GADL1: variants seen among roughly 807,000 people sequenced by gnomAD.
The protein encoded by GADL1 is GAD like acidic amino acid decarboxylase 1.
GADL1 carries 71 observed loss-of-function variants against 69.5 expected under a neutral mutation model. The ratio of observed to expected loss-of-function variants is 1.02; its 90% CI spans 0.84 to 1.25. The LOEUF (loss-of-function observed/expected upper bound fraction) is 1.25. GADL1 is among the 50% of genes most tolerant of loss of function. The pLI is 0.00. For synonymous variants in GADL1, 254 were observed against 214.4 expected, an observed-to-expected ratio of 1.18 and a Z score of -1.62; for missense variants, 737 against 631.8, an observed-to-expected ratio of 1.17 and a Z score of -1.79.
intron 14 of GADL1, among the ~76,000 whole-genome samples, chr3:30,758,422 C>T (rs795453): frequency 0.85 from 129,309 of 151,996 alleles, 55,476 homozygotes; most frequent in African/African-American, 0.93. Context: ...TTATCTTTCC[C>T]GTCTTCCCCT....
chr3:30,894,555 C>T (rs755516553), intron 1 of GADL1, 23 bp downstream of exon 1: 1 of 1,546,020 alleles, frequency 6.5e-7, no homozygotes, highest in South Asian at 1.2e-5. Context: ...AGGACAAAAA[C>T]CGCAGCCGCG....
intron 14 of GADL1, among the ~76,000 whole-genome samples, chr3:30,750,746 C>T (rs890206614): frequency 2.0e-5 from 3 of 152,060 alleles, no homozygotes; most frequent in African/African-American, 7.2e-5. Context: ...ATTTGTCCTG[C>T]GGCTTCATAT....
chr3:30,860,310 T>C (rs1370995050), intron 2 of GADL1, among the ~76,000 whole-genome samples: 2 of 151,980 alleles, frequency 1.3e-5, no homozygotes, highest in East Asian at 1.9e-4. Context: ...GAGCTGGGCC[T>C]TTATATTGTT....
intron 11 of GADL1, among the ~76,000 whole-genome samples, chr3:30,808,398 T>C (rs1472850879): frequency 6.6e-6 from 1 of 151,482 alleles, no homozygotes; most frequent in South Asian, 2.1e-4. Context: ...CTTGGGAGGC[T>C]GAGGCAGGAG....
chr3:30,797,030 A>G (rs1697047408), intron 12 of GADL1, among the ~76,000 whole-genome samples: 1 of 152,202 alleles, frequency 6.6e-6, no homozygotes, highest in African/African-American at 2.4e-5. Context: ...GGGTTTAGCC[A>G]TATGATTTTC....
chr3:30,837,985 T>C (rs1474025569), intron 9 of GADL1, among the ~76,000 whole-genome samples: 2 of 152,176 alleles, frequency 1.3e-5, no homozygotes, highest in Non-Finnish European at 2.9e-5. Context: ...ATGTAAACTT[T>C]GAATCATATC....
Position 30,843,373 on chromosome 3 carries a change from A to T in GADL1, c.786+837T>A, listed in dbSNP as rs889477465. ...TGGATTCAAGCGATTCTCCTGCCTC[A>T]GTCTCCCGACTAGCTGGGATTACAG... On this transcript the variant is annotated intron_variant, in intron 8 of 14. Transcript: ENST00000282538. Among the ~76,000 whole-genome samples, 7 of 150,860 alleles carry T rather than the reference A, an allele frequency of 4.6e-5. No homozygotes were observed. In the East Asian group the frequency reaches 1.4e-3, roughly 30 times the overall value.
At position 30,854,735 on chromosome 3, in the gene GADL1, A is replaced by T. The variant is rs1302428000; in HGVS notation, c.392T>A (p.Val131Glu). 1 of 1,550,202 alleles carries T rather than the reference A, an allele frequency of 6.5e-7. No individual in the cohort carries two copies. Among genetic ancestry groups the T allele is most frequent in the East Asian group, 2.4e-5 (1 of 40,864 alleles). The change falls in exon 4 of 15, where the codon GTG becomes GAG. Residue 131 changes from valine to glutamate, a missense_variant. Physicochemically the swap from Val to Glu is moderately radical, Grantham distance 121. Coordinates refer to ENST00000282538, the MANE Select transcript of GADL1 (RefSeq NM_207359.3). The part of the protein sequence containing the change: ...LYAGLDYYSL[V>E]ARFMTEALNP... Reference sequence around the variant, plus strand: ...CAATGCTTCGGTCATAAATCGGGCCACCAAGGAGTAATAATCAAGTCCAGC... The same window carrying T: ...CAATGCTTCGGTCATAAATCGGGCCTCCAAGGAGTAATAATCAAGTCCAGC...
intron 1 of GADL1, among the ~76,000 whole-genome samples, chr3:30,867,439 T>TATATATATAC (rs1319135425): frequency 1.5e-4 from 21 of 138,868 alleles, no homozygotes; most frequent in African/African-American, 4.6e-4. Context: ...TATATATATA[T>TATATATATAC]ACACATATAT....
rs576685053 is a variant in GADL1, at chr3:30,806,597, G to A, written c.1051-5509C>T. Reference sequence around the variant, plus strand: ...CCTTAAGGCATTTCAGATGGGAATAGGAGCAGAAAAAACAAGCCACTACTG... The same window carrying A: ...CCTTAAGGCATTTCAGATGGGAATAAGAGCAGAAAAAACAAGCCACTACTG... On this transcript the variant is annotated intron_variant, in intron 11 of 14. Transcript: ENST00000282538. 3.3e-5 allele frequency among the ~76,000 whole-genome samples: 5 copies of A among 152,296 alleles called. No individual in the cohort carries two copies. The East Asian group carries it at 9.6e-4, about 29-fold the overall frequency.
intron 14 of GADL1, among the ~76,000 whole-genome samples, chr3:30,749,471 C>T (rs1695766090): frequency 6.6e-6 from 1 of 152,154 alleles, no homozygotes; most frequent in African/African-American, 2.4e-5. Flanking sequence ...ATCTTTAATC[C>T]AGCAATGTAC....
chr3:30,825,940 G>A (rs2125519924), intron 11 of GADL1, among the ~76,000 whole-genome samples: 1 of 151,892 alleles, frequency 6.6e-6, no homozygotes, highest in African/African-American at 2.4e-5. Flanking sequence ...AAAAATAGAA[G>A]GCCTTGTTGC....
chr3:30,865,219 A>G (rs1289854000), intron 1 of GADL1, among the ~76,000 whole-genome samples: 1 of 151,824 alleles, frequency 6.6e-6, no homozygotes, highest in Admixed American at 6.6e-5. Flanking sequence ...ACCTCTCTGC[A>G]CTACTTTCTC....
chr3:30,803,935 T>C (rs1385239872), intron 11 of GADL1, among the ~76,000 whole-genome samples: 1 of 152,208 alleles, frequency 6.6e-6, no homozygotes, highest in Non-Finnish European at 1.5e-5. Context: ...TTTATCTTGC[T>C]CATCTTCATA....
intron 14 of GADL1, among the ~76,000 whole-genome samples, chr3:30,746,633 C>T (rs1695707537): frequency 1.3e-5 from 2 of 152,116 alleles, no homozygotes; most frequent in African/African-American, 4.8e-5. Flanking sequence ...GTTTTCTTCT[C>T]TTTTTACTTT....
At chr3:30,759,439 T>C (rs1228886380) in intron 14 of GADL1, among the ~76,000 whole-genome samples, 1 of 151,392 alleles carries the variant, frequency 6.6e-6, no homozygotes. Flanking sequence ...GAAACATTTA[T>C]CTTTTCCTCA....
At chr3:30,855,098 C>A (rs1698207064) in intron 3 of GADL1, among the ~76,000 whole-genome samples, 1 of 152,032 alleles carries the variant, frequency 6.6e-6, no homozygotes, top group South Asian at 2.1e-4. Context: ...CGTACAAATT[C>A]ATCATGCCGA....
intron 14 of GADL1, among the ~76,000 whole-genome samples, chr3:30,735,556 T>A (rs1345958344): frequency 6.6e-6 from 1 of 152,206 alleles, no homozygotes; most frequent in Non-Finnish European, 1.5e-5. Flanking sequence ...TCTATATGTT[T>A]CCATTTATGT....
chr3:30,830,891 G>T (rs1203653795), intron 11 of GADL1, among the ~76,000 whole-genome samples: 2 of 151,912 alleles, frequency 1.3e-5, no homozygotes, highest in Non-Finnish European at 2.9e-5. Flanking sequence ...GGAATCATTC[G>T]TTCAGTTGCT....
Sources: allele counts gnomAD v4.1 joint callset (sites outside exome capture counted in the v4.1 genomes callset), GRCh38; gene constraint gnomAD v4.1.1; transcripts MANE v1.5; gene names NCBI Gene and HGNC (gene_info 2026-07-23, HGNC 2026-07-21).